The following PACS1 variants were observed in gnomAD, a reference collection of about 807,000 sequenced individuals.
PACS1 encodes PACS-1.
In PACS1, 24 loss-of-function variants were observed where a neutral mutation model predicts 115.0. That is an observed-to-expected ratio of 0.21 (90% CI 0.15 to 0.29). The LOEUF is 0.29. Ranked by LOEUF, PACS1 falls within the 10% of genes least tolerant of loss-of-function variation. The pLI is 1.00. For synonymous variants in PACS1, 453 were observed against 504.5 expected, an observed-to-expected ratio of 0.90 and a Z score of 1.37; for missense variants, 838 against 1,251.2, an observed-to-expected ratio of 0.67 and a Z score of 4.98.
At chr11:66,071,670 T>C (rs953706442) in intron 1 of PACS1, among the ~76,000 whole-genome samples, 1 of 152,162 alleles carries the variant, frequency 6.6e-6, no homozygotes, top group Non-Finnish European at 1.5e-5. Flanking sequence ...AGACGGTGTG[T>C]GGAGCTGGTT....
At chr11:66,175,792 A>C (rs1859845272) in intron 1 of PACS1, among the ~76,000 whole-genome samples, 1 of 152,140 alleles carries the variant, frequency 6.6e-6, no homozygotes, top group Admixed American at 6.5e-5. Context: ...TGATCATTCA[A>C]CCCAGAAACC....
At chr11:66,182,035 A>G (rs1377024349) in intron 1 of PACS1, among the ~76,000 whole-genome samples, 1 of 152,228 alleles carries the variant, frequency 6.6e-6, no homozygotes, top group Non-Finnish European at 1.5e-5. Context: ...GAAAGCTTAC[A>G]TTTAAGTCTC....
At chr11:66,169,877 G>C (rs1859696680) in intron 1 of PACS1, among the ~76,000 whole-genome samples, 1 of 150,306 alleles carries the variant, frequency 6.7e-6, no homozygotes. Context: ...TCCTCTGGAA[G>C]AATGTATATA....
chr11:66,227,428 T>C (rs916625924), intron 10 of PACS1, 76 bp from the exon 11 acceptor site: 2 of 826,764 alleles, frequency 2.4e-6, no homozygotes, highest in Admixed American at 4.5e-5. Flanking sequence ...ATTTTAAGCT[T>C]CATAGGGACC....
intron 1 of PACS1, among the ~76,000 whole-genome samples, chr11:66,177,936 A>G (rs538191310): frequency 3.9e-5 from 6 of 152,192 alleles, no homozygotes; most frequent in Admixed American, 1.3e-4. Context: ...ACAATAGTCC[A>G]TAATGGATGC....
intron 1 of PACS1, among the ~76,000 whole-genome samples, chr11:66,183,612 G>A (rs1860053134): frequency 6.6e-6 from 1 of 152,180 alleles, no homozygotes; most frequent in Non-Finnish European, 1.5e-5. Context: ...GCAAGCCCCA[G>A]AATTGGGGCT....
chr11:66,189,970 G>C (rs540961032), intron 1 of PACS1, among the ~76,000 whole-genome samples: 19 of 152,280 alleles, frequency 1.2e-4, no homozygotes, highest in Admixed American at 7.2e-4. Context: ...CCTGAAACCT[G>C]TTTTATCTGA....
At chr11:66,232,379 A>C in intron 14 of PACS1, 103 bp downstream of exon 14, 1 of 672,676 alleles carries the variant, frequency 1.5e-6, no homozygotes, top group Non-Finnish European at 2.6e-6. Context: ...GAGGTGGGGA[A>C]CTCACCCCTC....
rs185672279 is a variant in PACS1, at chr11:66,126,685, G to C, written c.356+55843G>C. Reference sequence around the variant, plus strand: ...AATTTAATCTGCACTTGTCCTAGGTGGGGGTGGGGATGAGGGAGAAGTGAT... The same window carrying C: ...AATTTAATCTGCACTTGTCCTAGGTCGGGGTGGGGATGAGGGAGAAGTGAT... On this transcript the variant is annotated intron_variant, in intron 1 of 23. Coordinates refer to ENST00000320580, the MANE Select transcript of PACS1 (RefSeq NM_018026.4). 1.2e-3 allele frequency among the ~76,000 whole-genome samples: 188 copies of C among 152,094 alleles called. 1 individual carries two copies. Among genetic ancestry groups the C allele is most frequent in the African/African-American group, 4.4e-3 (182 of 41,502 alleles).
intron 1 of PACS1, among the ~76,000 whole-genome samples, chr11:66,076,705 G>C (rs561256023): frequency 6.6e-6 from 1 of 152,320 alleles, no homozygotes; most frequent in Non-Finnish European, 1.5e-5. Context: ...GCCTGGACTT[G>C]AAGGTGTTGA....
chr11:66,209,820 G>T (rs1029799122), intron 2 of PACS1, among the ~76,000 whole-genome samples: 3 of 152,002 alleles, frequency 2.0e-5, no homozygotes, highest in Non-Finnish European at 4.4e-5. Flanking sequence ...CAGGGTAATC[G>T]CTTGAACCTG....
chr11:66,187,428 T>C (rs1854409267), intron 1 of PACS1, among the ~76,000 whole-genome samples: 1 of 152,182 alleles, frequency 6.6e-6, no homozygotes, highest in African/African-American at 2.4e-5. Context: ...TGTAATTTTG[T>C]ACCCTTTAAG....
chr11:66,228,791 C>A (rs1428662559), intron 11 of PACS1, among the ~76,000 whole-genome samples: 1 of 152,142 alleles, frequency 6.6e-6, no homozygotes, highest in Admixed American at 6.5e-5. Context: ...AACGTTCTGT[C>A]TTGATCTGGT....
chr11:66,144,321 CAAA>C (rs771473235), intron 1 of PACS1, among the ~76,000 whole-genome samples: 9 of 152,044 alleles, frequency 5.9e-5, no homozygotes, highest in Non-Finnish European at 1.2e-4. Flanking sequence ...ATTTCTATAA[CAAA>C]AAGGAAATGT....
chr11:66,207,019 A>G (rs976352749), intron 2 of PACS1, among the ~76,000 whole-genome samples: 5 of 152,236 alleles, frequency 3.3e-5, no homozygotes, highest in Non-Finnish European at 5.9e-5. Flanking sequence ...GTTGTTATCA[A>G]CTTATGGCCA....
chr11:66,166,480 A>G (rs1034239046), intron 1 of PACS1, among the ~76,000 whole-genome samples: 1 of 151,042 alleles, frequency 6.6e-6, no homozygotes, highest in Non-Finnish European at 1.5e-5. Flanking sequence ...GTCATTTGCC[A>G]TGCACTAGAC....
At position 66,084,487 on chromosome 11, in the gene PACS1, G is replaced by C. The variant is rs1037227239; in HGVS notation, c.356+13645G>C. On this transcript the variant is annotated intron_variant, in intron 1 of 23. Coordinates refer to ENST00000320580, the MANE Select transcript of PACS1 (RefSeq NM_018026.4). ...CATGATGGTCACTTCCACCCTAAAA[G>C]AACCCCTGACCACTGTGTGTGGAAG... Among the ~76,000 whole-genome samples, 5 of 152,186 alleles carry C rather than the reference G, an allele frequency of 3.3e-5. No individual in the cohort carries two copies. The South Asian group carries it at 1.0e-3, about 32-fold the overall frequency.
chr11:66,144,558 T>G (rs1303679799), intron 1 of PACS1, among the ~76,000 whole-genome samples: 1 of 152,194 alleles, frequency 6.6e-6, no homozygotes, highest in Non-Finnish European at 1.5e-5. Context: ...ACGGCAATCT[T>G]TTACATTTTC....
At position 66,211,020 on chromosome 11, in the gene PACS1, G is replaced by A. The variant is rs949117763; in HGVS notation, c.535-114G>A. On this transcript the variant is annotated intron_variant, in intron 3 of 23. Transcript: ENST00000320580. ...CATGGCTCTCCTTTCAACCCTGACT[G>A]CCCCCTTTTAGAGACAGGAAGAATT... 10 of 1,237,864 alleles carry A rather than the reference G, an allele frequency of 8.1e-6. No homozygotes were observed. In the African/African-American group the frequency reaches 1.5e-4, roughly 18 times the overall value. 76.7% of individuals were successfully genotyped at this position (1,237,864 alleles called of 1,614,324 possible). A position where few individuals can be genotyped will look rare whatever the true frequency, so the allele number is the denominator to read the frequency against.
Sources: allele counts gnomAD v4.1 joint callset (sites outside exome capture counted in the v4.1 genomes callset), GRCh38; gene constraint gnomAD v4.1.1; transcripts MANE v1.5; gene names NCBI Gene and HGNC (gene_info 2026-07-23, HGNC 2026-07-21).